Variants in WDR7 observed in about 807,000 individuals in gnomAD.
WDR7 encodes WD repeat-containing protein 7.
Under a neutral mutation model 169.4 loss-of-function variants are expected in WDR7, and 46 were observed. That is an observed-to-expected ratio of 0.27 (90% CI 0.21 to 0.35). The LOEUF is 0.35. Ranked by LOEUF, WDR7 falls within the 10% of genes least tolerant of loss-of-function variation. The pLI, the probability that WDR7 is intolerant of heterozygous loss-of-function variation, is 1.00. For missense variants in WDR7, 1,534 were observed against 1,859.3 expected (o/e 0.83, Z 3.22); for synonymous variants, 612 against 666.8 (o/e 0.92, Z 1.27).
intron 26 of WDR7, among the ~76,000 whole-genome samples, chr18:57,009,149 A>G (rs191326112): frequency 7.9e-5 from 12 of 152,368 alleles, no homozygotes; most frequent in African/African-American, 2.9e-4. Flanking sequence ...ATATTTTATG[A>G]ATATTATGAT....
intron 20 of WDR7, among the ~76,000 whole-genome samples, chr18:56,827,794 G>T (rs905481063): frequency 5.3e-5 from 8 of 152,144 alleles, no homozygotes; most frequent in Middle Eastern, 3.4e-3. Flanking sequence ...TTGTATGCCT[G>T]TATTGGAATA....
At chr18:56,652,085 C>T (rs1037734332) in intron 1 of WDR7, among the ~76,000 whole-genome samples, 2 of 152,162 alleles carry the variant, frequency 1.3e-5, no homozygotes, top group Non-Finnish European at 2.9e-5. Flanking sequence ...GAGCGGATGC[C>T]AGTCACTCCC....
intron 26 of WDR7, among the ~76,000 whole-genome samples, chr18:56,997,237 T>C (rs1461080567): frequency 6.6e-6 from 1 of 152,212 alleles, no homozygotes; most frequent in African/African-American, 2.4e-5. Flanking sequence ...TGTTTTCAAC[T>C]ATGATTTGAT....
chr18:56,797,433 C>G (rs1329960784), intron 19 of WDR7, among the ~76,000 whole-genome samples: 2 of 152,040 alleles, frequency 1.3e-5, no homozygotes, highest in Admixed American at 1.3e-4. Context: ...CTAATTGATT[C>G]ATTCCCTAAT....
At chr18:57,000,059 G>T (rs1308412041) in intron 26 of WDR7, among the ~76,000 whole-genome samples, 1 of 152,122 alleles carries the variant, frequency 6.6e-6, no homozygotes, top group Admixed American at 6.6e-5. Context: ...GGAGCAGACT[G>T]GGCATGAAGA....
intron 22 of WDR7, among the ~76,000 whole-genome samples, chr18:56,932,553 A>C (rs1013007320): frequency 1.3e-5 from 2 of 151,968 alleles, no homozygotes; most frequent in Non-Finnish European, 2.9e-5. Flanking sequence ...AGTTTATCTC[A>C]TTTTCCCTTC....
At chr18:57,006,891 G>A (rs991086131) in intron 26 of WDR7, among the ~76,000 whole-genome samples, 2 of 151,868 alleles carry the variant, frequency 1.3e-5, no homozygotes, top group African/African-American at 4.8e-5. Context: ...TGAGCAACCA[G>A]TACATATGTG....
chr18:56,887,750 A>G (rs1346489148), intron 21 of WDR7, among the ~76,000 whole-genome samples: 1 of 151,960 alleles, frequency 6.6e-6, no homozygotes. Context: ...TCTTATTTGA[A>G]TTGGGATGTC....
chr18:56,984,598 T>C (rs1035714475), intron 26 of WDR7, among the ~76,000 whole-genome samples: 1 of 152,230 alleles, frequency 6.6e-6, no homozygotes, highest in African/African-American at 2.4e-5. Flanking sequence ...GATTTTAATA[T>C]TATAAACTAG....
At position 57,028,111 on chromosome 18, in the gene WDR7, C is replaced by T. The variant is rs1381427010; in HGVS notation, c.*904C>T. ...GAAGAAAGAGCTTACCCCTTTCCCC[C>T]GGAAAACTTGCAATCCTGTAGTTCC... On this transcript the variant is annotated 3_prime_UTR_variant, in exon 28 of 28. Coordinates refer to ENST00000254442, the MANE Select transcript of WDR7 (RefSeq NM_015285.3). 2 of 152,142 alleles carry T rather than the reference C, an allele frequency of 1.3e-5. No individual in the cohort carries two copies. Among genetic ancestry groups the T allele is most frequent in the African/African-American group, 4.8e-5 (2 of 41,440 alleles). The allele number at this position is 152,142 out of a possible 1,614,324, so 9.4% of individuals were successfully genotyped here.
Position 56,879,416 on chromosome 18 carries a change from A to G in WDR7, c.3305-528A>G, listed in dbSNP as rs575869230. On this transcript the variant is annotated intron_variant, in intron 20 of 27. Coordinates refer to ENST00000254442, the MANE Select transcript of WDR7 (RefSeq NM_015285.3). ...CATGTGCGTGTTGACCATTCATACA[A>G]CTTTGGAAAAATATCTATTCAGATT... Among the ~76,000 whole-genome samples the G allele has an allele frequency of 2.0e-5, 3 of 152,326 alleles. No individual in the cohort carries two copies. The East Asian group carries it at 5.8e-4, about 29-fold the overall frequency.
chr18:56,731,175 C>T (rs3826643), intron 13 of WDR7, among the ~76,000 whole-genome samples: 25,381 of 151,892 alleles, frequency 0.17, 2,548 homozygotes, highest in Non-Finnish European at 0.23. Context: ...TGGGAAGTTG[C>T]ATCAGGGACT....
At chr18:56,799,570 A>G (rs1454100120) in intron 19 of WDR7, among the ~76,000 whole-genome samples, 2 of 152,292 alleles carry the variant, frequency 1.3e-5, no homozygotes. Flanking sequence ...CTGTTTGTAA[A>G]TATATAAAAA....
chr18:56,830,004 A>G (rs2045280919), intron 20 of WDR7, among the ~76,000 whole-genome samples: 1 of 152,200 alleles, frequency 6.6e-6, no homozygotes, highest in Non-Finnish European at 1.5e-5. Flanking sequence ...TGTTTTTTAA[A>G]AAATGGGGAA....
rs571294746 is a variant in WDR7, at chr18:56,760,900, T to G, written c.2848+1947T>G. On this transcript the variant is annotated intron_variant, in intron 16 of 27. Coordinates refer to ENST00000254442, the MANE Select transcript of WDR7 (RefSeq NM_015285.3). The stretch of plus-strand genomic sequence containing the variant: ...CCTAATATTTTCCTTCTTTTTCACT[T>G]TAGCCATTTTGATATGTGTATAATA... Among the ~76,000 whole-genome samples the G allele has an allele frequency of 3.7e-4, 56 of 152,386 alleles. 1 individual carries two copies. The highest frequency in any genetic ancestry group is 1.7e-3 in the Admixed American group (26 of 15,312).
At chr18:56,803,462 T>C (rs1260304752) in intron 19 of WDR7, among the ~76,000 whole-genome samples, 3 of 152,154 alleles carry the variant, frequency 2.0e-5, no homozygotes, top group Non-Finnish European at 4.4e-5. Flanking sequence ...GATACATTGG[T>C]TCTGTGAAAG....
chr18:56,777,210 A>G (rs2044254032), intron 17 of WDR7, among the ~76,000 whole-genome samples: 1 of 152,132 alleles, frequency 6.6e-6, no homozygotes, highest in Non-Finnish European at 1.5e-5. Flanking sequence ...TAATGAATTT[A>G]TTTTATATGT....
intron 20 of WDR7, among the ~76,000 whole-genome samples, chr18:56,857,092 TG>T (rs1163527416): frequency 3.9e-5 from 6 of 152,132 alleles, no homozygotes; most frequent in Admixed American, 6.6e-5. Context: ...TGGGCAATAT[TG>T]GCCCTAAAAT....
intron 19 of WDR7, among the ~76,000 whole-genome samples, chr18:56,811,577 T>C (rs1310698519): frequency 2.6e-5 from 4 of 152,184 alleles, no homozygotes; most frequent in African/African-American, 9.6e-5. Flanking sequence ...AGAGATTTTC[T>C]CCTGAGTTTT....
Sources: gnomAD v4.1 joint callset for allele counts (sites outside exome capture counted in the v4.1 genomes callset) on GRCh38, gnomAD v4.1.1 for gene constraint, MANE v1.5 for transcripts, NCBI Gene and HGNC (gene_info 2026-07-23, HGNC 2026-07-21) for gene names.